The following CCDC102B variants were observed in gnomAD, a reference collection of about 807,000 sequenced individuals.
The protein encoded by CCDC102B is coiled-coil domain containing 102B.
Under a neutral mutation model 57.4 loss-of-function variants are expected in CCDC102B, and 75 were observed. That is an observed-to-expected ratio of 1.31 (90% CI 1.08 to 1.58). The LOEUF is 1.58. Ranked by LOEUF, CCDC102B falls within the 40% of genes most tolerant of loss-of-function variation. The pLI, the probability that CCDC102B is intolerant of heterozygous loss-of-function variation, is 0.00. For synonymous variants in CCDC102B, 206 were observed against 201.9 expected, an observed-to-expected ratio of 1.02 and a Z score of -0.17; for missense variants, 636 against 582.6, an observed-to-expected ratio of 1.09 and a Z score of -0.94.
intron 6 of CCDC102B, among the ~76,000 whole-genome samples, chr18:68,927,788 C>G (rs992890757): frequency 3.3e-5 from 5 of 151,766 alleles, no homozygotes; most frequent in East Asian, 3.9e-4. Context: ...TGACCAGTAT[C>G]TAGGGAGAGA....
intron 4 of CCDC102B, among the ~76,000 whole-genome samples, chr18:68,847,969 GT>G (rs898759904): frequency 6.6e-6 from 1 of 151,182 alleles, no homozygotes. Context: ...ATGTTCTTAT[GT>G]TTTTTTGAAT....
At chr18:69,040,231 C>G (rs911195216) in intron 7 of CCDC102B, among the ~76,000 whole-genome samples, 1 of 151,932 alleles carries the variant, frequency 6.6e-6, no homozygotes, top group Non-Finnish European at 1.5e-5. Context: ...GTGGCATTAT[C>G]CATTTCATTA....
At chr18:68,774,154 A>C (rs1227988275) in intron 2 of CCDC102B, among the ~76,000 whole-genome samples, 1 of 151,980 alleles carries the variant, frequency 6.6e-6, no homozygotes, top group Admixed American at 6.6e-5. Flanking sequence ...TAATCTTAGT[A>C]TCTTTCAATG....
intron 4 of CCDC102B, among the ~76,000 whole-genome samples, chr18:68,872,754 A>C (rs2051302): frequency 0.34 from 51,433 of 151,598 alleles, 9,541 homozygotes; most frequent in African/African-American, 0.49. Context: ...AGCCTTGACT[A>C]TTCCTGTTTT....
At chr18:68,911,498 A>G (rs1323950210) in intron 6 of CCDC102B, among the ~76,000 whole-genome samples, 13 of 151,728 alleles carry the variant, frequency 8.6e-5, no homozygotes, top group Admixed American at 2.0e-4. Context: ...CACGCCTGTA[A>G]TCCCAGCACT....
At chr18:69,050,074 G>T (rs1006290854) in intron 7 of CCDC102B, among the ~76,000 whole-genome samples, 5 of 151,564 alleles carry the variant, frequency 3.3e-5, no homozygotes, top group African/African-American at 1.2e-4. Context: ...CTCTGAAAGT[G>T]TTGGTATTAT....
intron 6 of CCDC102B, 54 bp from the exon 7 acceptor site, chr18:69,010,880 C>T: frequency 7.7e-7 from 1 of 1,306,652 alleles, no homozygotes; most frequent in East Asian, 2.5e-5. Flanking sequence ...TGCCATTCTT[C>T]TGATTTTATC....
chr18:68,763,012 A>G (rs1478067325), intron 2 of CCDC102B, among the ~76,000 whole-genome samples: 1 of 152,010 alleles, frequency 6.6e-6, no homozygotes, highest in African/African-American at 2.4e-5. Context: ...AAAAGCTTCT[A>G]TCTTCTTGAT....
At chr18:68,935,846 GA>G (rs1319478040) in intron 6 of CCDC102B, among the ~76,000 whole-genome samples, 1 of 151,822 alleles carries the variant, frequency 6.6e-6, no homozygotes, top group Middle Eastern at 3.2e-3. Context: ...GGAAGGCAAA[GA>G]GAGATGATAG....
chr18:68,763,491 A>G (rs2034321563), intron 2 of CCDC102B, among the ~76,000 whole-genome samples: 1 of 152,172 alleles, frequency 6.6e-6, no homozygotes, highest in African/African-American at 2.4e-5. Context: ...TGTAAAAAAA[A>G]TGCTTGCTCA....
At chr18:68,927,178 C>A (rs1454986391) in intron 6 of CCDC102B, among the ~76,000 whole-genome samples, 1 of 151,850 alleles carries the variant, frequency 6.6e-6, no homozygotes, top group Middle Eastern at 3.4e-3. Context: ...TAGATGGGCT[C>A]CATAATCTGG....
intron 1 of CCDC102B, among the ~76,000 whole-genome samples, chr18:68,821,757 GTTAA>G (rs2036699890): frequency 6.6e-6 from 1 of 151,852 alleles, no homozygotes; most frequent in Non-Finnish European, 1.5e-5. Context: ...ATCAGTAGAT[GTTAA>G]TTAGTAACTG....
upstream of CCDC102B, among the ~76,000 whole-genome samples, chr18:68,795,563 T>A (rs2035602089): frequency 6.6e-6 from 1 of 152,076 alleles, no homozygotes; most frequent in Non-Finnish European, 1.5e-5. Context: ...TGGTTGGCAA[T>A]CCTTGGTTTG....
intron 2 of CCDC102B, among the ~76,000 whole-genome samples, chr18:68,725,255 T>C (rs767732439): frequency 6.6e-6 from 1 of 152,236 alleles, no homozygotes; most frequent in Non-Finnish European, 1.5e-5. Flanking sequence ...AGATTCTGTG[T>C]CACTGCAAAA....
At chr18:68,813,052 T>G (rs868858092) in intron 1 of CCDC102B, among the ~76,000 whole-genome samples, 45 of 152,120 alleles carry the variant, frequency 3.0e-4, no homozygotes, top group Middle Eastern at 6.8e-3. Flanking sequence ...GTAATCCCCA[T>G]GTGTTGGGGG....
chr18:68,759,453 G>A (rs2034178600), intron 2 of CCDC102B, among the ~76,000 whole-genome samples: 1 of 152,000 alleles, frequency 6.6e-6, no homozygotes, highest in Admixed American at 6.6e-5. Flanking sequence ...GTCAAAGGAA[G>A]AAGTAGAGGT....
chr18:68,936,979 T>C (rs1316200989), intron 6 of CCDC102B, among the ~76,000 whole-genome samples: 1 of 151,932 alleles, frequency 6.6e-6, no homozygotes, highest in African/African-American at 2.4e-5. Flanking sequence ...TAAATGCTTC[T>C]AGGGGAAATA....
chr18:68,985,602 T>C (rs2050703150), intron 6 of CCDC102B, among the ~76,000 whole-genome samples: 2 of 152,148 alleles, frequency 1.3e-5, no homozygotes, highest in African/African-American at 4.8e-5. Context: ...GCAGGAGCTG[T>C]GTGGCAAAAA....
intron 6 of CCDC102B, among the ~76,000 whole-genome samples, chr18:68,976,094 T>TA (rs1338827092): frequency 3.3e-5 from 5 of 152,026 alleles, no homozygotes; most frequent in African/African-American, 1.2e-4. Context: ...TAGCTAGAAT[T>TA]AAACCAAAGT....
Sources: allele counts gnomAD v4.1 joint callset (sites outside exome capture counted in the v4.1 genomes callset), GRCh38; gene constraint gnomAD v4.1.1; transcripts MANE v1.5; gene names NCBI Gene and HGNC (gene_info 2026-07-23, HGNC 2026-07-21).